The following CTNNA3 variants were observed in gnomAD, a reference collection of about 807,000 sequenced individuals.
CTNNA3 encodes catenin alpha 3.
A neutral mutation model predicts 95.7 loss-of-function variants in CTNNA3; 76 were observed. The observed-to-expected ratio is 0.79, with a 90% CI of 0.66 to 0.96. The LOEUF is 0.96. Among genes scored for constraint, CTNNA3 ranks in the 40% least tolerant of loss-of-function variants. CTNNA3 has a pLI of 0.00. For missense variants in CTNNA3, 1,191 were observed against 1,089.8 expected, an observed-to-expected ratio of 1.09 and a Z score of -1.31; for synonymous variants, 431 against 374.4, an observed-to-expected ratio of 1.15 and a Z score of -1.74.
chr10:66,902,194 G>A (rs182204589), intron 7 of CTNNA3, among the ~76,000 whole-genome samples: 1 of 152,246 alleles, frequency 6.6e-6, no homozygotes, highest in East Asian at 1.9e-4. Flanking sequence ...TCAGACCACA[G>A]TGCAATCAAA....
chr10:67,397,114 A>C (rs1844734400), intron 5 of CTNNA3, among the ~76,000 whole-genome samples: 2 of 152,180 alleles, frequency 1.3e-5, no homozygotes, highest in African/African-American at 4.8e-5. Context: ...ATATGGAAGC[A>C]ACTTTGGAAC....
intron 7 of CTNNA3, among the ~76,000 whole-genome samples, chr10:66,893,447 T>C (rs1427599040): frequency 2.0e-5 from 3 of 150,912 alleles, no homozygotes; most frequent in Non-Finnish European, 3.0e-5. Flanking sequence ...GAATTGCCAA[T>C]AAAAGAAATT....
intron 11 of CTNNA3, among the ~76,000 whole-genome samples, chr10:66,482,026 A>G (rs558993364): frequency 6.6e-6 from 1 of 152,254 alleles, no homozygotes; most frequent in South Asian, 2.1e-4. Flanking sequence ...AATTAGGTCT[A>G]AATTTATGTG....
intron 13 of CTNNA3, among the ~76,000 whole-genome samples, chr10:66,193,158 C>A (rs1161145398): frequency 6.6e-6 from 1 of 152,102 alleles, no homozygotes; most frequent in African/African-American, 2.4e-5. Flanking sequence ...GATATTTATT[C>A]TCAAGAAACC....
chr10:67,614,552 A>T (rs558323492), intron 2 of CTNNA3, among the ~76,000 whole-genome samples: 194 of 152,270 alleles, frequency 1.3e-3, no homozygotes, highest in African/African-American at 4.5e-3. Context: ...TTCCCATGAG[A>T]ATCTAATGCC....
intron 11 of CTNNA3, among the ~76,000 whole-genome samples, chr10:66,405,951 T>C (rs1010147670): frequency 6.6e-6 from 1 of 152,174 alleles, no homozygotes; most frequent in African/African-American, 2.4e-5. Flanking sequence ...AGCAGCATCC[T>C]TTCAGACTGC....
intron 10 of CTNNA3, among the ~76,000 whole-genome samples, chr10:66,610,251 C>G (rs1844279851): frequency 2.0e-5 from 2 of 102,244 alleles, no homozygotes; most frequent in African/African-American, 9.3e-5. Flanking sequence ...CATGGGGGGG[C>G]TATGTTCCTG....
intron 9 of CTNNA3, among the ~76,000 whole-genome samples, chr10:66,693,128 T>A (rs10997309): frequency 0.18 from 27,116 of 152,078 alleles, 3,063 homozygotes; most frequent in East Asian, 0.34. Flanking sequence ...ACTTTAAATG[T>A]AAATGGACTA....
chr10:67,459,504 AT>A (rs1169663375), intron 5 of CTNNA3, among the ~76,000 whole-genome samples: 9 of 152,040 alleles, frequency 5.9e-5, no homozygotes, highest in African/African-American at 2.2e-4. Flanking sequence ...CAAGCCATGT[AT>A]TTTTTCTTTG....
intron 11 of CTNNA3, among the ~76,000 whole-genome samples, chr10:66,503,266 T>A (rs1036076767): frequency 6.6e-6 from 1 of 152,206 alleles, no homozygotes; most frequent in Non-Finnish European, 1.5e-5. Context: ...TTCTACTGGT[T>A]GTTCTATCTT....
chr10:67,615,970 A>T (rs1196944813), intron 2 of CTNNA3, among the ~76,000 whole-genome samples: 2 of 152,156 alleles, frequency 1.3e-5, no homozygotes, highest in Non-Finnish European at 2.9e-5. Context: ...GGCCAATAGT[A>T]GGTATTGACA....
At chr10:66,230,140 T>A (rs2089516466) in intron 13 of CTNNA3, among the ~76,000 whole-genome samples, 1 of 152,182 alleles carries the variant, frequency 6.6e-6, no homozygotes, top group Non-Finnish European at 1.5e-5. Context: ...CTATTATTTT[T>A]TCTTGGATTG....
chr10:66,514,465 G>A (rs771585554), intron 11 of CTNNA3, among the ~76,000 whole-genome samples: 6 of 152,190 alleles, frequency 3.9e-5, no homozygotes, highest in Admixed American at 1.3e-4. Context: ...TTCACTAAAG[G>A]TCAATGTGAT....
chr10:67,208,199 C>T (rs1863986755), intron 6 of CTNNA3, among the ~76,000 whole-genome samples: 1 of 151,716 alleles, frequency 6.6e-6, no homozygotes, highest in Non-Finnish European at 1.5e-5. Flanking sequence ...GGTGAAACCA[C>T]GTCTCTACTA....
At chr10:66,791,795 C>T (rs953666381) in intron 7 of CTNNA3, among the ~76,000 whole-genome samples, 1 of 152,104 alleles carries the variant, frequency 6.6e-6, no homozygotes, top group Non-Finnish European at 1.5e-5. Flanking sequence ...GGCCTCCTTA[C>T]AATCAAGGTT....
At chr10:66,347,174 C>A (rs1052381376) in intron 12 of CTNNA3, among the ~76,000 whole-genome samples, 3 of 152,000 alleles carry the variant, frequency 2.0e-5, no homozygotes, top group Non-Finnish European at 4.4e-5. Flanking sequence ...ATATACATGT[C>A]ATTTCCTATG....
intron 12 of CTNNA3, among the ~76,000 whole-genome samples, chr10:66,365,590 G>A (rs1018521781): frequency 2.6e-5 from 4 of 152,104 alleles, no homozygotes; most frequent in Non-Finnish European, 5.9e-5. Flanking sequence ...AGCATATCCA[G>A]AGTATAAGCC....
At chr10:66,986,234 G>A (rs1035102766) in intron 7 of CTNNA3, among the ~76,000 whole-genome samples, 3 of 151,900 alleles carry the variant, frequency 2.0e-5, no homozygotes, top group Admixed American at 6.6e-5. Flanking sequence ...ATGGTGGCTC[G>A]TACCTGTAAT....
chr10:67,360,932 T>A (rs1842971657), intron 5 of CTNNA3, among the ~76,000 whole-genome samples: 1 of 151,904 alleles, frequency 6.6e-6, no homozygotes, highest in South Asian at 2.1e-4. Flanking sequence ...TATATCAGTC[T>A]ATCACATAAA....
Sources: gnomAD v4.1 joint callset for allele counts (sites outside exome capture counted in the v4.1 genomes callset) on GRCh38, gnomAD v4.1.1 for gene constraint, MANE v1.5 for transcripts, NCBI Gene and HGNC (gene_info 2026-07-23, HGNC 2026-07-21) for gene names.